ACOXL: variants seen among roughly 807,000 people sequenced by gnomAD.
The protein encoded by ACOXL is acyl-coenzyme A oxidase-like protein.
In ACOXL, 70 loss-of-function variants were observed where a neutral mutation model predicts 71.9. That is an observed-to-expected ratio of 0.97 (90% CI 0.80 to 1.19). ACOXL has a LOEUF of 1.19. ACOXL is among the 50% of genes most tolerant of loss of function. ACOXL has a pLI of 0.00. For synonymous variants in ACOXL, 253 were observed against 281.6 expected (o/e 0.90, Z 1.02); for missense variants, 703 against 736.3 (o/e 0.95, Z 0.52).
At chr2:111,021,652 C>T (rs1373237778) in intron 14 of ACOXL, among the ~76,000 whole-genome samples, 1 of 152,038 alleles carries the variant, frequency 6.6e-6, no homozygotes, top group Non-Finnish European at 1.5e-5. Context: ...GGGGAGGACC[C>T]TCTTCCCAAA....
At chr2:110,857,781 G>A (rs575430857) in intron 10 of ACOXL, among the ~76,000 whole-genome samples, 2 of 151,992 alleles carry the variant, frequency 1.3e-5, no homozygotes, top group South Asian at 2.1e-4. Context: ...GCTGGAGTTC[G>A]GTGGCCTGAT....
intron 13 of ACOXL, among the ~76,000 whole-genome samples, chr2:110,992,347 G>C (rs2063208267): frequency 6.6e-6 from 1 of 152,212 alleles, no homozygotes; most frequent in Non-Finnish European, 1.5e-5. Flanking sequence ...TCATCAAAGT[G>C]TTTTCAGCAC....
intron 14 of ACOXL, among the ~76,000 whole-genome samples, chr2:111,027,352 C>A (rs552202970): frequency 6.7e-6 from 1 of 148,658 alleles, no homozygotes; most frequent in Admixed American, 6.7e-5. Context: ...GACAGAGTTT[C>A]ACTCTGTCAC....
rs1837370 is a variant in ACOXL at position 111,072,441 on chromosome 2, G to A, written c.1441-20424G>A. 6.5e-3 allele frequency among the ~76,000 whole-genome samples: 996 copies of A among 152,334 alleles called. 18 individuals carry two copies. The highest frequency in any genetic ancestry group is 0.022 in the Admixed American group (335 of 15,312). ...AACAGTGAATCATTTTCATTGCTGA[G>A]TACTGGTCCGTTGTGTGGATTAGCA... On this transcript the variant is annotated intron_variant, in intron 16 of 17. Transcript: ENST00000439055.
chr2:110,891,084 A>T (rs976736525), intron 10 of ACOXL, among the ~76,000 whole-genome samples: 1 of 152,004 alleles, frequency 6.6e-6, no homozygotes, highest in Admixed American at 6.6e-5. Flanking sequence ...CATTATTAGT[A>T]TATAGAAATA....
intron 12 of ACOXL, among the ~76,000 whole-genome samples, chr2:110,972,961 C>T (rs1175351602): frequency 6.6e-6 from 1 of 152,224 alleles, no homozygotes; most frequent in African/African-American, 2.4e-5. Context: ...ACATTATGTG[C>T]TCAATTGGTT....
At chr2:110,826,601 A>G (rs763039313) in intron 9 of ACOXL, among the ~76,000 whole-genome samples, 8 of 152,206 alleles carry the variant, frequency 5.3e-5, no homozygotes, top group Non-Finnish European at 8.8e-5. Context: ...CTGTTTCCAC[A>G]TACAGAGAAG....
chr2:110,967,794 G>T (rs567780668), intron 12 of ACOXL: 4 of 729,246 alleles, frequency 5.5e-6, no homozygotes, highest in African/African-American at 1.8e-5. Flanking sequence ...GGGCCTGCAG[G>T]TCTCTGTTGA....
chr2:110,751,125 C>T (rs1678896400), intron 1 of ACOXL, among the ~76,000 whole-genome samples: 3 of 151,786 alleles, frequency 2.0e-5, no homozygotes, highest in African/African-American at 7.2e-5. Context: ...GGTGAAACCC[C>T]ATCTCTACTA....
intron 11 of ACOXL, among the ~76,000 whole-genome samples, chr2:110,912,150 C>T (rs1252253829): frequency 6.6e-6 from 1 of 152,032 alleles, no homozygotes; most frequent in Non-Finnish European, 1.5e-5. Context: ...AATATATGTT[C>T]ATGGATCAGA....
intron 17 of ACOXL, among the ~76,000 whole-genome samples, chr2:111,097,547 G>A (rs955532019): frequency 6.6e-6 from 1 of 152,238 alleles, no homozygotes; most frequent in Non-Finnish European, 1.5e-5. Context: ...AGAAATAGCT[G>A]ATTTTAGGGC....
intron 5 of ACOXL, chr2:110,796,046 A>T (rs1685242645): frequency 1.4e-5 from 2 of 139,376 alleles, no homozygotes; most frequent in Admixed American, 1.4e-4. Flanking sequence ...TCATAAACTC[A>T]TACCACCGAG....
Position 110,768,407 on chromosome 2 carries a change from T to A in ACOXL, c.18T>A (p.Val6=). 6.2e-7 allele frequency: 1 copy of A among 1,613,996 alleles called. No individual in the cohort carries two copies. The highest frequency in any genetic ancestry group is 8.5e-7 in the Non-Finnish European group (1 of 1,180,014). MRALT[V]QRVKFAMDLP... is the part of the protein sequence containing the mutation. Reference sequence around the variant, plus strand: ...TGGATGAAATGAGAGCTTTGACAGTTCAGAGAGTGAAGTTTGCCATGGACC... The same window carrying A: ...TGGATGAAATGAGAGCTTTGACAGTACAGAGAGTGAAGTTTGCCATGGACC... Residue 6 remains valine, a synonymous_variant, in exon 2 of 18, where the codon GTT becomes GTA. Coordinates refer to ENST00000439055, the MANE Select transcript of ACOXL (RefSeq NM_001142807.4).
chr2:111,105,788 G>A (rs2069499733), intron 17 of ACOXL, among the ~76,000 whole-genome samples: 1 of 152,028 alleles, frequency 6.6e-6, no homozygotes, highest in Non-Finnish European at 1.5e-5. Flanking sequence ...CATGTTATCT[G>A]CAAATAGAGA....
chr2:110,964,702 A>G (rs2061850633), intron 12 of ACOXL, among the ~76,000 whole-genome samples: 1 of 152,186 alleles, frequency 6.6e-6, no homozygotes, highest in Admixed American at 6.5e-5. Flanking sequence ...GATACATAGT[A>G]TTTGTACATA....
At chr2:110,826,011 G>T (rs1410228746) in intron 9 of ACOXL, among the ~76,000 whole-genome samples, 1 of 152,122 alleles carries the variant, frequency 6.6e-6, no homozygotes, top group African/African-American at 2.4e-5. Flanking sequence ...GAGGAGCTAG[G>T]CAAGTCTGAT....
chr2:110,744,784 T>C (rs192523116), intron 1 of ACOXL, among the ~76,000 whole-genome samples: 9 of 152,294 alleles, frequency 5.9e-5, no homozygotes, highest in Admixed American at 3.9e-4. Flanking sequence ...GACACTTCCT[T>C]GCTTACTTGC....
intron 16 of ACOXL, among the ~76,000 whole-genome samples, chr2:111,084,940 G>A (rs1353831933): frequency 6.9e-6 from 1 of 145,766 alleles, no homozygotes; most frequent in Non-Finnish European, 1.5e-5. Flanking sequence ...CCTAATTTCA[G>A]ACAAAACATA....
At chr2:111,025,509 A>T (rs1558882939) in intron 14 of ACOXL, among the ~76,000 whole-genome samples, 1 of 152,196 alleles carries the variant, frequency 6.6e-6, no homozygotes, top group Non-Finnish European at 1.5e-5. Context: ...TACTCATTTT[A>T]GCCATTTTAG....
Sources: gnomAD v4.1 joint callset for allele counts (sites outside exome capture counted in the v4.1 genomes callset) on GRCh38, gnomAD v4.1.1 for gene constraint, MANE v1.5 for transcripts, NCBI Gene and HGNC (gene_info 2026-07-23, HGNC 2026-07-21) for gene names.